LTBP4: variants seen among roughly 807,000 people sequenced by gnomAD.
LTBP4 encodes latent transforming growth factor beta binding protein 4.
Under a neutral mutation model 180.2 loss-of-function variants are expected in LTBP4, and 93 were observed. The observed-to-expected ratio is 0.52, with a 90% CI of 0.44 to 0.61. The LOEUF is 0.61. LTBP4 is among the 20% of genes least tolerant of loss of function. The pLI, the probability that LTBP4 is intolerant of heterozygous loss-of-function variation, is 0.00. For synonymous variants in LTBP4, 947 were observed against 934.5 expected, an observed-to-expected ratio of 1.01 and a Z score of -0.24; for missense variants, 2,116 against 2,256.5, an observed-to-expected ratio of 0.94 and a Z score of 1.26.
chr19:40,596,743 C>T (rs1367403208), upstream of LTBP4, among the ~76,000 whole-genome samples: 1 of 152,096 alleles, frequency 6.6e-6, no homozygotes, highest in African/African-American at 2.4e-5. Flanking sequence ...CAGTCTCTCT[C>T]GTGGAAAGGG....
rs781133086 is a variant in LTBP4 at position 40,611,127 on chromosome 19, ACCCCGGGC to A, written c.1811-20_1811-13del. The stretch of plus-strand genomic sequence containing the variant: ...TCAGGGAGGCAGAGGGGAACAAGTG[ACCCCGGGC>A]CCCCTGCCCTGTGCAGATGTGGATG... On this transcript the variant is annotated splice_polypyrimidine_tract_variant and intron_variant, in intron 12 of 29. Coordinates refer to ENST00000396819, the MANE Select transcript of LTBP4 (RefSeq NM_001042545.2). This position sits in a 1 kb window ranked among gnomAD's most constrained non-coding sequence, Gnocchi z 4.4. 2 of 1,609,034 alleles carry A rather than the reference ACCCCGGGC, an allele frequency of 1.2e-6. No homozygotes were observed. Among genetic ancestry groups the A allele is most frequent in the African/African-American group, 2.7e-5 (2 of 74,436 alleles).
chr19:40,605,217 G>A lies in LTBP4; in HGVS notation c.433G>A (p.Asp145Asn), dbSNP rs750880230. The change falls in exon 2 of 30, where the codon GAC (aspartate) becomes AAC (asparagine). Residue 145 changes from aspartate to asparagine, a missense_variant. By Grantham distance (23) the Asp-to-Asn change is conservative. Around this residue, in one of 5 missense-constraint regions of LTBP4, gnomAD observed 469 missense variants for 532.5 expected, o/e 0.88. Transcript: ENST00000396819. The surrounding 1 kb of genome is among the most constrained non-coding windows in gnomAD (Gnocchi z 5.5). ...YTMPLANHRD[D>N]EHGVASMVSV... ...TATGCCACTGGCCAACCACCGCGAC[G>A]ACGAGCACGGTGAGGAAAGGGTGGC... The A allele has an allele frequency of 5.6e-6, 9 of 1,594,076 alleles. No individual in the cohort carries two copies. The highest frequency in any genetic ancestry group is 6.0e-6 in the Non-Finnish European group (7 of 1,170,318).
Position 40,613,174 on chromosome 19 carries a change from G to T in LTBP4, c.2409G>T (p.Ser803=), listed in dbSNP as rs373819567. ...CSCAPGYRAP[S]GRPGPCADVN... is the part of the protein sequence containing the mutation. The stretch of plus-strand genomic sequence containing the variant: ...GCGCGCCAGGCTACCGGGCGCCGTC[G>T]GGTCGGCCCGGGCCCTGCGCAGGTG... Residue 803 remains serine, a synonymous_variant, in exon 16 of 30, where the codon TCG becomes TCT. Coordinates refer to ENST00000396819, the MANE Select transcript of LTBP4 (RefSeq NM_001042545.2). The surrounding 1 kb of genome is among the most constrained non-coding windows in gnomAD (Gnocchi z 5.0). The T allele has an allele frequency of 1.1e-5, 18 of 1,572,230 alleles. No homozygotes were observed. In the Admixed American group the frequency reaches 3.4e-4, roughly 29 times the overall value.
Position 40,623,938 on chromosome 19 carries a change from A to G in LTBP4, c.3688A>G (p.Asn1230Asp), listed in dbSNP as rs1568413529. The G allele has an allele frequency of 6.2e-7, 1 of 1,613,934 alleles. No homozygotes were observed. The highest frequency in any genetic ancestry group is 8.5e-7 in the Non-Finnish European group (1 of 1,179,838). ...CCTCTTAATCATCCTCTCCCTAGAC[A>G]ATGACGAGTGCGCCGATGAGGAACC... The part of the protein sequence containing the change: ...YHTQRLECID[N>D]DECADEEPAC... Residue 1230 changes from asparagine (N) to aspartate (D), a missense_variant and splice_region_variant, in exon 26 of 30, where the codon AAT becomes GAT. By Grantham distance (23) the Asn-to-Asp change is conservative. Transcript: ENST00000396819.
chr19:40,620,964 G>T (rs1056795756), intron 22 of LTBP4, among the ~76,000 whole-genome samples: 3 of 149,896 alleles, frequency 2.0e-5, no homozygotes, highest in African/African-American at 7.4e-5. Flanking sequence ...TCTTTGAGAC[G>T]GAGTTTTGCT....
chr19:40,627,577 C>T (rs1005796120), intron 28 of LTBP4, 128 bp from the exon 29 acceptor site: 12 of 1,352,854 alleles, frequency 8.9e-6, no homozygotes, highest in Middle Eastern at 4.9e-4. Context: ...CCGCAGCACC[C>T]GCCACAGCCC....
intron 27 of LTBP4, 26 bp from the exon 28 acceptor site, chr19:40,626,949 T>C (rs377493958): frequency 2.0e-6 from 3 of 1,520,362 alleles, no homozygotes; most frequent in Non-Finnish European, 2.6e-6. Context: ...CAGGGGCTGA[T>C]TGTTTGCCTT....
Position 40,611,490 on chromosome 19 carries a change from G to C in LTBP4, c.2053+96G>C. On this transcript the variant is annotated intron_variant, in intron 13 of 29. Coordinates refer to ENST00000396819, the MANE Select transcript of LTBP4 (RefSeq NM_001042545.2). This position sits in a 1 kb window ranked among gnomAD's most constrained non-coding sequence, Gnocchi z 4.4. ...CAGAGAGGCAGAGTGATGGGGCTCA[G>C]GGATGGAGAACAGGGGCTGAGGGAT... 1.3e-6 allele frequency: 2 copies of C among 1,496,770 alleles called. No individual in the cohort carries two copies. Among genetic ancestry groups the C allele is most frequent in the Non-Finnish European group, 1.8e-6 (2 of 1,123,556 alleles). The allele number at this position is 1,496,770 out of a possible 1,614,324, so 92.7% of individuals were successfully genotyped here.
chr19:40,626,082 A>T (rs1599879354), intron 27 of LTBP4, 73 bp downstream of exon 27: 2 of 1,472,208 alleles, frequency 1.4e-6, no homozygotes, highest in Non-Finnish European at 1.8e-6. Context: ...TCAGATCCCC[A>T]GTCGCAGAAC....
chr19:40,596,209 C>T (rs894821495), intron 1 of LTBP4, among the ~76,000 whole-genome samples: 1 of 151,988 alleles, frequency 6.6e-6, no homozygotes, highest in Admixed American at 6.6e-5. Context: ...CATGAGCCAC[C>T]GCGCCCGGCC....
chr19:40,614,465 G>C lies in LTBP4; in HGVS notation c.2812+19G>C. ...TGTGACGGTGAGCCTGCCCCCACCC[G>C]CCTTCGCTAGCGCTTGCAACGCGGT... On this transcript the variant is annotated intron_variant, in intron 19 of 29. Coordinates refer to ENST00000396819, the MANE Select transcript of LTBP4 (RefSeq NM_001042545.2). 1 of 1,593,414 alleles carries C rather than the reference G, an allele frequency of 6.3e-7. No homozygotes were observed. Among genetic ancestry groups the C allele is most frequent in the Non-Finnish European group, 8.5e-7 (1 of 1,177,424 alleles).
rs1240630906 is a variant in LTBP4, at chr19:40,605,265, C to T, written c.442+39C>T. 1.3e-6 allele frequency: 2 copies of T among 1,561,144 alleles called. No individual in the cohort carries two copies. The highest frequency in any genetic ancestry group is 2.3e-5 in the South Asian group (2 of 86,140). ...GGCCAGAGTCCCCTCCGACCCCTGT[C>T]AAGCATTTCACTTTGCCCCTGACCC... On this transcript the variant is annotated intron_variant, in intron 2 of 29. Transcript: ENST00000396819. This position sits in a 1 kb window ranked among gnomAD's most constrained non-coding sequence, Gnocchi z 5.5.
intron 1 of LTBP4, among the ~76,000 whole-genome samples, chr19:40,604,684 A>T (rs896860427): frequency 6.6e-6 from 1 of 152,144 alleles, no homozygotes; most frequent in African/African-American, 2.4e-5. Context: ...CCTCTACCAA[A>T]TTTTTAAAAA....
In LTBP4 at chr19:40,606,278, G is replaced by A; in HGVS notation, c.839G>A (p.Gly280Asp). ...VSAPDGPCPT[G>D]FERVNGSCED... ...GCCCCAGATGGACCTTGTCCAACCG[G>A]CTTTGAAAGAGTTAATGGGTCCTGC... is the stretch of plus-strand genomic sequence containing the variant. The change falls in exon 5 of 30, where the codon GGC becomes GAC. Residue 280 changes from glycine to aspartate, a missense_variant. Around this residue, in one of 5 missense-constraint regions of LTBP4, gnomAD observed 469 missense variants for 532.5 expected, o/e 0.88. Transcript: ENST00000396819. 2 of 1,601,276 alleles carry A rather than the reference G, an allele frequency of 1.2e-6. No homozygotes were observed. Among genetic ancestry groups the A allele is most frequent in the Non-Finnish European group, 1.7e-6 (2 of 1,173,960 alleles).
At position 40,607,395 on chromosome 19, in the gene LTBP4, C is replaced by G; in HGVS notation, c.1022C>G (p.Pro341Arg). Residue 341 changes from proline (P) to arginine (R), a missense_variant, in exon 7 of 30, where the codon CCC (proline) becomes CGC (arginine). Pro to Arg is a moderately radical substitution (Grantham distance 103). This residue lies in a region of LTBP4 where 469 missense variants were observed against 532.5 expected (regional missense o/e 0.88). Coordinates refer to ENST00000396819, the MANE Select transcript of LTBP4 (RefSeq NM_001042545.2). The part of the protein sequence containing the change: ...SQHVISEAKG[P>R]CFRVLRDGGC... ...CACGTGATCTCAGAGGCCAAAGGGC[C>G]CTGCTTCCGCGTGCTCCGCGACGGC... is the stretch of plus-strand genomic sequence containing the variant. 6.2e-7 allele frequency: 1 copy of G among 1,613,038 alleles called. No individual in the cohort carries two copies. Among genetic ancestry groups the G allele is most frequent in the Non-Finnish European group, 8.5e-7 (1 of 1,179,600 alleles).
chr19:40,610,929 A>C, intron 12 of LTBP4: 1 of 721,678 alleles, frequency 1.4e-6, no homozygotes, highest in Non-Finnish European at 2.2e-6. Context: ...GAGCAGAGTT[A>C]TGGAGGAAAG....
rs532409907 is a variant in LTBP4, at chr19:40,618,274, T to C, written c.3070+1049T>C. Among the ~76,000 whole-genome samples, 980 of 151,796 alleles carry C rather than the reference T, an allele frequency of 6.5e-3. 6 individuals are homozygous for C. The highest frequency in any genetic ancestry group is 0.023 in the African/African-American group (947 of 41,392). On this transcript the variant is annotated intron_variant, in intron 21 of 29. Coordinates refer to ENST00000396819, the MANE Select transcript of LTBP4 (RefSeq NM_001042545.2). ...GTAGAGATGAGTTTTTTTTTTTTTT[T>C]TGGAGACAGAGTTTTGCTCTAGTTG...
Position 40,617,000 on chromosome 19 carries a change from C to A in LTBP4, c.2924C>A (p.Thr975Lys). The change falls in exon 20 of 30, where the codon ACG (threonine) becomes AAG (lysine). Residue 975 changes from threonine to lysine, a missense_variant. Thr to Lys is a moderately conservative substitution (Grantham distance 78). Coordinates refer to ENST00000396819, the MANE Select transcript of LTBP4 (RefSeq NM_001042545.2). ...TPACDPGYQP[T>K]PGGGCQDVDE... ...GCCTGTGACCCTGGCTATCAGCCCA[C>A]GCCAGGGGGCGGATGCCAGGGTGGG... 6.2e-7 allele frequency: 1 copy of A among 1,613,452 alleles called. No homozygotes were observed. Among genetic ancestry groups the A allele is most frequent in the Non-Finnish European group, 8.5e-7 (1 of 1,179,384 alleles).
intron 21 of LTBP4, among the ~76,000 whole-genome samples, chr19:40,619,132 A>T (rs59129285): frequency 6.6e-6 from 1 of 152,020 alleles, no homozygotes; most frequent in Non-Finnish European, 1.5e-5. Context: ...CACCTCTCAG[A>T]GTAGATATAG....
Sources: gnomAD v4.1 joint callset for allele counts (sites outside exome capture counted in the v4.1 genomes callset) on GRCh38, gnomAD v4.1.1 for gene constraint, gnomAD v4.1.1 regional missense constraint, Gnocchi (gnomAD v3.1) non-coding constraint, MANE v1.5 for transcripts, NCBI Gene and HGNC (gene_info 2026-07-23, HGNC 2026-07-21) for gene names.